DNM3: variants seen among roughly 807,000 people sequenced by gnomAD.
DNM3 encodes dynamin 3.
A neutral mutation model predicts 101.6 loss-of-function variants in DNM3; 47 were observed. That is an observed-to-expected ratio of 0.46 (90% CI 0.37 to 0.59). DNM3 has a LOEUF of 0.59. DNM3 is among the 20% of genes least tolerant of loss of function. The probability of loss-of-function intolerance (pLI) is 0.00; values close to 1 mark genes in which losing one functional copy is unlikely to be tolerated. For missense variants in DNM3, 849 were observed against 1,085.7 expected (o/e 0.78, Z 3.06); for synonymous variants, 385 against 387.9 (o/e 0.99, Z 0.09).
At chr1:172,098,320 G>A (rs1212036293) in intron 13 of DNM3, among the ~76,000 whole-genome samples, 1 of 152,140 alleles carries the variant, frequency 6.6e-6, no homozygotes, top group Non-Finnish European at 1.5e-5. Context: ...AAAGAACTCA[G>A]CCATATTTCT....
chr1:172,022,554 T>TATA (rs1478373616), intron 4 of DNM3, among the ~76,000 whole-genome samples: 1 of 152,062 alleles, frequency 6.6e-6, no homozygotes, highest in African/African-American at 2.4e-5. Flanking sequence ...TTTATTTTTA[T>TATA]TAGAGCTATA....
chr1:172,341,795 C>T (rs1558019019), intron 17 of DNM3, among the ~76,000 whole-genome samples: 1 of 151,952 alleles, frequency 6.6e-6, no homozygotes, highest in Non-Finnish European at 1.5e-5. Context: ...ATAACTTAGG[C>T]GATACCATTC....
chr1:172,083,800 A>G (rs2053328420), intron 12 of DNM3, among the ~76,000 whole-genome samples: 1 of 151,978 alleles, frequency 6.6e-6, no homozygotes, highest in Admixed American at 6.6e-5. Flanking sequence ...TATTGATTAT[A>G]TTGATTTATA....
intron 14 of DNM3, among the ~76,000 whole-genome samples, chr1:172,240,551 G>A (rs1052375359): frequency 2.5e-4 from 38 of 152,078 alleles, no homozygotes; most frequent in Non-Finnish European, 1.2e-4. Context: ...CAAACATATG[G>A]TATATTTAGC....
chr1:172,251,332 G>A (rs908514460), intron 14 of DNM3, among the ~76,000 whole-genome samples: 2 of 130,360 alleles, frequency 1.5e-5, no homozygotes, highest in Non-Finnish European at 3.4e-5. Context: ...TTTCCCCAAA[G>A]CACCAAGACT....
At chr1:172,237,850 A>G (rs1190433878) in intron 14 of DNM3, among the ~76,000 whole-genome samples, 1 of 152,196 alleles carries the variant, frequency 6.6e-6, no homozygotes, top group Non-Finnish European at 1.5e-5. Flanking sequence ...TTTAGGAAAC[A>G]TAATTAGCTG....
chr1:171,941,111 G>A (rs1000123472), intron 2 of DNM3, among the ~76,000 whole-genome samples: 1 of 152,008 alleles, frequency 6.6e-6, no homozygotes, highest in Non-Finnish European at 1.5e-5. Context: ...AATGTTTATT[G>A]ATTACCTTTC....
At chr1:172,301,966 C>T (rs1416072762) in intron 15 of DNM3, among the ~76,000 whole-genome samples, 1 of 152,202 alleles carries the variant, frequency 6.6e-6, no homozygotes, top group Non-Finnish European at 1.5e-5. Flanking sequence ...GCGTGATCTA[C>T]TCAGAAGATG....
At chr1:172,214,616 C>T (rs1038797134) in intron 14 of DNM3, among the ~76,000 whole-genome samples, 18 of 151,878 alleles carry the variant, frequency 1.2e-4, no homozygotes, top group African/African-American at 3.1e-4. Flanking sequence ...GAAGTATTTT[C>T]GAATCTTACA....
intron 14 of DNM3, among the ~76,000 whole-genome samples, chr1:172,148,474 TTA>T (rs974259868): frequency 6.6e-6 from 1 of 152,106 alleles, no homozygotes; most frequent in Non-Finnish European, 1.5e-5. Context: ...CTTTTAATAT[TTA>T]TATATGTGTC....
In DNM3 at chr1:172,075,639, T is replaced by C. The variant is rs140344022; in HGVS notation, c.1423-6193T>C. On this transcript the variant is annotated intron_variant, in intron 11 of 20. Coordinates refer to ENST00000627582, the MANE Select transcript of DNM3 (RefSeq NM_015569.5). The stretch of plus-strand genomic sequence containing the variant: ...AGCTGGTTGTAGATGTGTGGCATTA[T>C]TTCTGAGGCCTCTGTCCTATTCCAT... 1.1e-3 allele frequency among the ~76,000 whole-genome samples: 173 copies of C among 152,334 alleles called. 3 individuals carry two copies. In the East Asian group the frequency reaches 0.03, roughly 26 times the overall value.
intron 12 of DNM3, among the ~76,000 whole-genome samples, chr1:172,089,298 G>A (rs1277122363): frequency 1.3e-5 from 2 of 152,056 alleles, no homozygotes; most frequent in Admixed American, 6.6e-5. Context: ...TATATGCTAC[G>A]GAGTTCGTGC....
At position 172,410,050 on chromosome 1, in the gene DNM3, C is replaced by A; in HGVS notation, c.*2209C>A. On this transcript the variant is annotated 3_prime_UTR_variant, in exon 21 of 21. Coordinates refer to ENST00000627582, the MANE Select transcript of DNM3 (RefSeq NM_015569.5). ...AGATTATAGTCCCACAGTTGCACTG[C>A]CCCAATTGTCTACCTTTGTGGGTAC... 1.0e-6 allele frequency: 1 copy of A among 985,540 alleles called. No homozygotes were observed. Among genetic ancestry groups the A allele is most frequent in the South Asian group, 4.7e-5 (1 of 21,292 alleles). 61.0% of individuals were successfully genotyped at this position (985,540 alleles called of 1,614,324 possible). A position where few individuals can be genotyped will look rare whatever the true frequency, so the allele number is the denominator to read the frequency against.
chr1:172,339,653 T>G (rs1573527591), intron 17 of DNM3, among the ~76,000 whole-genome samples: 1 of 152,192 alleles, frequency 6.6e-6, no homozygotes, highest in Non-Finnish European at 1.5e-5. Flanking sequence ...CCAGTTGATA[T>G]GTGAAAGAAG....
chr1:172,247,057 G>A (rs1007357130), intron 14 of DNM3, among the ~76,000 whole-genome samples: 3 of 152,086 alleles, frequency 2.0e-5, no homozygotes, highest in African/African-American at 7.2e-5. Flanking sequence ...GTCCCTGGGT[G>A]AGGAATCTTT....
At chr1:172,056,285 C>T (rs1400502756) in intron 10 of DNM3, among the ~76,000 whole-genome samples, 3 of 152,210 alleles carry the variant, frequency 2.0e-5, no homozygotes, top group African/African-American at 4.8e-5. Flanking sequence ...CGACATTGCC[C>T]AGGCTTGCTT....
At chr1:171,898,396 A>C (rs2037998283) in intron 1 of DNM3, among the ~76,000 whole-genome samples, 1 of 152,166 alleles carries the variant, frequency 6.6e-6, no homozygotes, top group Admixed American at 6.5e-5. Flanking sequence ...GACTGATACA[A>C]TAAAATTTAT....
chr1:171,933,228 A>G (rs1422224725), intron 2 of DNM3, among the ~76,000 whole-genome samples: 1 of 152,162 alleles, frequency 6.6e-6, no homozygotes, highest in African/African-American at 2.4e-5. Flanking sequence ...ATGTGACCGT[A>G]GACTTGGGTT....
At chr1:172,200,990 G>A (rs1397998713) in intron 14 of DNM3, among the ~76,000 whole-genome samples, 1 of 152,100 alleles carries the variant, frequency 6.6e-6, no homozygotes, top group Non-Finnish European at 1.5e-5. Context: ...TCCCATCTCT[G>A]TGTGTGGGTG....
Sources: gnomAD v4.1 joint callset for allele counts (sites outside exome capture counted in the v4.1 genomes callset) on GRCh38, gnomAD v4.1.1 for gene constraint, MANE v1.5 for transcripts, NCBI Gene and HGNC (gene_info 2026-07-23, HGNC 2026-07-21) for gene names.